SMUG1: variants seen among roughly 807,000 people sequenced by gnomAD.
The protein encoded by SMUG1 is single-strand-selective monofunctional uracil-DNA glycosylase 1.
SMUG1 carries 13 observed loss-of-function variants against 23.9 expected under a neutral mutation model. The ratio of observed to expected loss-of-function variants is 0.54; its 90% confidence interval spans 0.35 to 0.86. The LOEUF (loss-of-function observed/expected upper bound fraction) is 0.86, where lower values mean the gene tolerates loss of function less well. SMUG1 is among the 40% of genes least tolerant of loss of function. SMUG1 has a pLI of 0.01. For missense variants in SMUG1, 313 were observed against 339.5 expected, an observed-to-expected ratio of 0.92 and a Z score of 0.61; for synonymous variants, 133 against 139.8, an observed-to-expected ratio of 0.95 and a Z score of 0.34.
At chr12:54,187,467 T>C (rs1370510819) in intron 2 of SMUG1, among the ~76,000 whole-genome samples, 4 of 152,206 alleles carry the variant, frequency 2.6e-5, no homozygotes. Context: ...CAGGGGACCT[T>C]GCTTTGCATC....
intron 2 of SMUG1, among the ~76,000 whole-genome samples, chr12:54,185,987 T>G (rs745344631): frequency 3.3e-5 from 5 of 152,126 alleles, no homozygotes; most frequent in African/African-American, 9.7e-5. Context: ...ATTGCTTCAC[T>G]CCACTCCCAT....
At chr12:54,173,547 C>G (rs998248164) in intron 2 of SMUG1, among the ~76,000 whole-genome samples, 1 of 152,210 alleles carries the variant, frequency 6.6e-6, no homozygotes, top group African/African-American at 2.4e-5. Flanking sequence ...CACAAAACGC[C>G]GCCCGCGCGG....
downstream of SMUG1, among the ~76,000 whole-genome samples, chr12:54,161,526 C>T (rs1229361000): frequency 6.6e-6 from 1 of 152,176 alleles, no homozygotes; most frequent in Non-Finnish European, 1.5e-5. The surrounding 1 kb of genome is among the most constrained non-coding windows in gnomAD (Gnocchi z 4.2). Flanking sequence ...ACCTAATTCC[C>T]ACACCCCTCC....
chr12:54,171,795 A>C (rs985468049), intron 3 of SMUG1, among the ~76,000 whole-genome samples: 3 of 151,932 alleles, frequency 2.0e-5, no homozygotes, highest in African/African-American at 4.8e-5. Flanking sequence ...TCCACAACTA[A>C]TACTACTCCC....
chr12:54,176,855 C>A (rs970457831), downstream of SMUG1, among the ~76,000 whole-genome samples: 4 of 149,086 alleles, frequency 2.7e-5, no homozygotes, highest in Non-Finnish European at 4.5e-5. Context: ...TAAGAAAATT[C>A]TCTTTCTTCA....
chr12:54,160,447 T>C (rs1232025530), downstream of SMUG1, among the ~76,000 whole-genome samples: 2 of 152,178 alleles, frequency 1.3e-5, no homozygotes, highest in African/African-American at 4.8e-5. Flanking sequence ...GAAGGCCTGC[T>C]ATAGGCAGGC....
chr12:54,159,909 A>G (rs759815836), downstream of SMUG1, among the ~76,000 whole-genome samples: 4 of 152,250 alleles, frequency 2.6e-5, no homozygotes, highest in Middle Eastern at 3.2e-3. Context: ...ACCACACTGC[A>G]GTGCACTTGG....
chr12:54,181,388 G>C lies in SMUG1; in HGVS notation c.*708C>G. The C allele has an allele frequency of 1.5e-6, 1 of 656,768 alleles. No individual in the cohort carries two copies. 40.7% of individuals were successfully genotyped at this position (656,768 alleles called of 1,614,324 possible). ...ATGAGCACCCACATGCCAAGCCCAT[G>C]CAAGGCACTTTCAAGTGTGATCTCA... On this transcript the variant is annotated 3_prime_UTR_variant, in exon 4 of 4. Transcript: ENST00000682136.
downstream of SMUG1, among the ~76,000 whole-genome samples, chr12:54,179,797 G>A (rs1303024266): frequency 2.0e-5 from 3 of 152,094 alleles, no homozygotes; most frequent in Non-Finnish European, 2.9e-5. Flanking sequence ...AATGACTCAC[G>A]GAACTCAGGA....
chr12:54,180,188 T>A (rs1468451756), downstream of SMUG1, among the ~76,000 whole-genome samples: 1 of 152,178 alleles, frequency 6.6e-6, no homozygotes, highest in African/African-American at 2.4e-5. Context: ...CCATCCTCAG[T>A]CAAATCTTAC....
At chr12:54,171,494 A>G (rs1470717549) in intron 3 of SMUG1, among the ~76,000 whole-genome samples, 1 of 151,054 alleles carries the variant, frequency 6.6e-6, no homozygotes, top group African/African-American at 2.4e-5. Flanking sequence ...AAATGAGACT[A>G]TCCTGGCCAA....
downstream of SMUG1, among the ~76,000 whole-genome samples, chr12:54,163,506 GAGACT>G (rs1389143463): frequency 6.6e-6 from 1 of 152,244 alleles, no homozygotes; most frequent in Non-Finnish European, 1.5e-5. Context: ...ATAAAGTCTT[GAGACT>G]AGGTTGAATC....
downstream of SMUG1, among the ~76,000 whole-genome samples, chr12:54,179,545 A>C (rs1322502263): frequency 6.6e-6 from 1 of 152,208 alleles, no homozygotes; most frequent in Non-Finnish European, 1.5e-5. Flanking sequence ...CAAAAAGAGA[A>C]GGAAAGGAGT....
intron 2 of SMUG1, among the ~76,000 whole-genome samples, chr12:54,173,988 C>CA (rs1014826921): frequency 6.6e-6 from 1 of 152,088 alleles, no homozygotes; most frequent in Non-Finnish European, 1.5e-5. Context: ...ACTGCAGAGA[C>CA]AAAAAAGATC....
chr12:54,160,631 G>A (rs1195297028), downstream of SMUG1, among the ~76,000 whole-genome samples: 4 of 152,036 alleles, frequency 2.6e-5, no homozygotes, highest in African/African-American at 9.7e-5. Context: ...CTCCTTCCAC[G>A]AAGCCCAAAA....
chr12:54,165,394 A>G (rs1035375844), exon 4 of SMUG1: 1 of 152,248 alleles, frequency 6.6e-6, no homozygotes, highest in Non-Finnish European at 1.5e-5. Flanking sequence ...ACAGATCGCC[A>G]GGTGTAGTGG....
chr12:54,165,217 C>G (rs1358369446), intron 4 of SMUG1, among the ~76,000 whole-genome samples: 3 of 152,220 alleles, frequency 2.0e-5, no homozygotes, highest in Non-Finnish European at 4.4e-5. Flanking sequence ...CCAGCAGGAC[C>G]TGGTGTGACT....
intron 2 of SMUG1, among the ~76,000 whole-genome samples, chr12:54,175,327 G>C (rs537323802): frequency 6.6e-6 from 1 of 152,300 alleles, no homozygotes; most frequent in East Asian, 1.9e-4. Flanking sequence ...CATCCCCAAA[G>C]TTAACAGATG....
rs941192010 is a variant in SMUG1 at position 54,182,587 on chromosome 12, A to G, written c.322T>C (p.Leu108=). 3.7e-6 allele frequency: 6 copies of G among 1,613,838 alleles called. No homozygotes were observed. The highest frequency in any genetic ancestry group is 1.3e-5 in the African/African-American group (1 of 74,876). ...GTCAGCACAGGCCCCACAATGCCCAACCAGTCCCGGACCATGCTTACTTCC... is the reference window on the plus strand; with the variant it reads ...GTCAGCACAGGCCCCACAATGCCCAGCCAGTCCCGGACCATGCTTACTTCC... The part of the protein sequence containing the change: ...FGEVSMVRDW[L]GIVGPVLTPP... The change falls in exon 4 of 4, where the codon TTG becomes CTG. Residue 108 remains leucine (L), a synonymous_variant. Coordinates refer to ENST00000682136, the MANE Select transcript of SMUG1 (RefSeq NM_001243787.2).
Sources: gnomAD v4.1 joint callset for allele counts (sites outside exome capture counted in the v4.1 genomes callset) on GRCh38, gnomAD v4.1.1 for gene constraint, Gnocchi (gnomAD v3.1) non-coding constraint, MANE v1.5 for transcripts, NCBI Gene and HGNC (gene_info 2026-07-23, HGNC 2026-07-21) for gene names.